LRRC37A2: variants seen among roughly 807,000 people sequenced by gnomAD.
LRRC37A2 encodes the protein leucine rich repeat containing 37 member A2, also known as leucine-rich repeat-containing protein 37A2.
Under a neutral mutation model 68.8 loss-of-function variants are expected in LRRC37A2, and 9 were observed. The observed-to-expected ratio is 0.13, with a 90% CI of 0.08 to 0.23. The LOEUF (loss-of-function observed/expected upper bound fraction) is 0.23, where lower values mean the gene tolerates loss of function less well. Ranked by LOEUF, LRRC37A2 falls within the 10% of genes least tolerant of loss-of-function variation. The pLI, the probability that LRRC37A2 is intolerant of heterozygous loss-of-function variation, is 1.00. For synonymous variants in LRRC37A2, 63 were observed against 367.6 expected, an observed-to-expected ratio of 0.17 and a Z score of 9.48; for missense variants, 168 against 950.4, an observed-to-expected ratio of 0.18 and a Z score of 10.82.
chr17:46,385,138 A>AT, the LRRC37A2 span, among the ~76,000 whole-genome samples: 1 of 103,926 alleles, frequency 9.6e-6, no homozygotes, highest in Admixed American at 9.6e-5. Flanking sequence ...TCTGTGTCAA[A>AT]TTTTTAAATT....
chr17:46,875,366 G>C, the LRRC37A2 span: 1 of 1,597,422 alleles, frequency 6.3e-7, no homozygotes, highest in Admixed American at 1.7e-5. Context: ...TGGGCATCAA[G>C]GTGAGCATGT....
chr17:46,938,572 T>G, the LRRC37A2 span: 1 of 1,613,722 alleles, frequency 6.2e-7, no homozygotes, highest in Admixed American at 1.7e-5. Context: ...TGATGTTTGT[T>G]TTTTTTTCTG....
At chr17:46,940,942 A>G in the LRRC37A2 span, 2 of 1,268,482 alleles carry the variant, frequency 1.6e-6, no homozygotes, top group Non-Finnish European at 2.0e-6. Context: ...TTGGCCTAAC[A>G]GTGTGACTCT....
chr17:46,542,569 C>T (rs1365175535), intron 8 of LRRC37A2, among the ~76,000 whole-genome samples: 1 of 149,264 alleles, frequency 6.7e-6, no homozygotes, highest in South Asian at 2.1e-4. Context: ...GTGGCACACG[C>T]CTGTAGTCCC....
the LRRC37A2 span, among the ~76,000 whole-genome samples, chr17:46,917,600 T>C: frequency 6.6e-6 from 1 of 152,214 alleles, no homozygotes; most frequent in Non-Finnish European, 1.5e-5. Flanking sequence ...AGTTGCATAC[T>C]GGTAGGACTA....
At chr17:46,669,773 CT>C in the LRRC37A2 span, among the ~76,000 whole-genome samples, 4 of 60,844 alleles carry the variant, frequency 6.6e-5, no homozygotes, top group Non-Finnish European at 1.3e-4. Flanking sequence ...CTGCTTAAAA[CT>C]TTTCACAGCT....
At chr17:46,729,072 G>A in the LRRC37A2 span, 2 of 562,130 alleles carry the variant, frequency 3.6e-6, no homozygotes, top group African/African-American at 3.9e-5. Context: ...AGGTCGTCCA[G>A]TCTTGACTTC....
chr17:46,864,691 A>T, the LRRC37A2 span, among the ~76,000 whole-genome samples: 7 of 151,832 alleles, frequency 4.6e-5, no homozygotes, highest in Admixed American at 2.6e-4. Flanking sequence ...GGCTTCCCTG[A>T]TGTGCTGGGT....
the LRRC37A2 span, among the ~76,000 whole-genome samples, chr17:46,888,259 G>T: frequency 6.6e-6 from 1 of 152,140 alleles, no homozygotes; most frequent in African/African-American, 2.4e-5. Flanking sequence ...GGAGTTGGAG[G>T]GAGAGGGATG....
the LRRC37A2 span, among the ~76,000 whole-genome samples, chr17:46,496,705 G>C: frequency 7.2e-4 from 95 of 132,100 alleles, no homozygotes; most frequent in African/African-American, 2.6e-3. Context: ...ACCTGAGGTC[G>C]GGAGTTCGAG....
the LRRC37A2 span, among the ~76,000 whole-genome samples, chr17:46,769,295 G>A: frequency 1.4e-5 from 2 of 143,056 alleles, no homozygotes; most frequent in South Asian, 2.2e-4. Context: ...CAGCCTGGGC[G>A]ACTGAGCGAG....
At chr17:46,532,246 C>A (rs1388612360) in intron 6 of LRRC37A2, among the ~76,000 whole-genome samples, 2 of 148,780 alleles carry the variant, frequency 1.3e-5, no homozygotes, top group Non-Finnish European at 2.9e-5. Context: ...TGTAGTGAAA[C>A]CATAGATCAG....
chr17:46,727,137 A>G, the LRRC37A2 span, among the ~76,000 whole-genome samples: 6 of 152,194 alleles, frequency 3.9e-5, no homozygotes, highest in Non-Finnish European at 8.8e-5. Flanking sequence ...CAAAAATGGG[A>G]TAATAAATCT....
the LRRC37A2 span, among the ~76,000 whole-genome samples, chr17:47,004,597 T>G: frequency 6.6e-6 from 1 of 152,330 alleles, no homozygotes; most frequent in Non-Finnish European, 1.5e-5. Flanking sequence ...GGTGCAATCA[T>G]AGGTCACTGC....
chr17:46,532,369 T>A (rs1408967165), intron 6 of LRRC37A2, among the ~76,000 whole-genome samples: 1 of 150,402 alleles, frequency 6.6e-6, no homozygotes, highest in African/African-American at 2.5e-5. Flanking sequence ...GAAATACTGG[T>A]CTGTAATTTT....
chr17:47,029,935 CA>C, the LRRC37A2 span, among the ~76,000 whole-genome samples: 1 of 151,622 alleles, frequency 6.6e-6, no homozygotes, highest in Non-Finnish European at 1.5e-5. Context: ...TGGTGGCAGG[CA>C]ACTGTAATCC....
chr17:46,836,095 C>CACGTGT, the LRRC37A2 span, among the ~76,000 whole-genome samples: 28 of 126,500 alleles, frequency 2.2e-4, no homozygotes, highest in African/African-American at 7.3e-4. Flanking sequence ...GAGACGCTGA[C>CACGTGT]GTGTGTGTGT....
At chr17:46,529,983 G>A (rs1476211552) in intron 6 of LRRC37A2, among the ~76,000 whole-genome samples, 5 of 140,994 alleles carry the variant, frequency 3.5e-5, no homozygotes, top group African/African-American at 1.3e-4. Flanking sequence ...GTTGGAGAGT[G>A]AGAGAATTTT....
chr17:46,685,310 C>G, the LRRC37A2 span, among the ~76,000 whole-genome samples: 19 of 148,942 alleles, frequency 1.3e-4, no homozygotes, highest in African/African-American at 3.4e-4. Context: ...CAAAGAATTT[C>G]CAGTTCGATA....
Sources: gnomAD v4.1 joint callset for allele counts (sites outside exome capture counted in the v4.1 genomes callset) on GRCh38, gnomAD v4.1.1 for gene constraint, MANE v1.5 for transcripts, NCBI Gene and HGNC (gene_info 2026-07-23, HGNC 2026-07-21) for gene names.